PCDH15: variants seen among roughly 807,000 people sequenced by gnomAD.
PCDH15 encodes the protein protocadherin related 15, also known as protocadherin-15.
A neutral mutation model predicts 178.5 loss-of-function variants in PCDH15; 129 were observed. The observed-to-expected ratio is 0.72, with a 90% confidence interval of 0.63 to 0.84. PCDH15 has a LOEUF of 0.84. Ranked by LOEUF, PCDH15 falls within the 40% of genes least tolerant of loss-of-function variation. The pLI, the probability that PCDH15 is intolerant of heterozygous loss-of-function variation, is 0.00. For missense variants in PCDH15, 2,230 were observed against 2,099.9 expected, an observed-to-expected ratio of 1.06 and a Z score of -1.21; for synonymous variants, 800 against 732.0, an observed-to-expected ratio of 1.09 and a Z score of -1.50.
chr10:54,107,820 C>T (rs141127106), intron 15 of PCDH15, among the ~76,000 whole-genome samples: 1 of 152,086 alleles, frequency 6.6e-6, no homozygotes, highest in East Asian at 1.9e-4. Context: ...GTTGCCACAG[C>T]AGCCTGGCAT....
chr10:54,116,741 G>T (rs1444320627), intron 15 of PCDH15, among the ~76,000 whole-genome samples: 1 of 152,126 alleles, frequency 6.6e-6, no homozygotes, highest in African/African-American at 2.4e-5. Flanking sequence ...AGTGATTATG[G>T]ATCATGATGA....
intron 21 of PCDH15, among the ~76,000 whole-genome samples, chr10:53,964,185 T>A (rs2088688776): frequency 6.6e-6 from 1 of 152,046 alleles, no homozygotes; most frequent in African/African-American, 2.4e-5. Flanking sequence ...CCCTTTAAAT[T>A]ATCTTTCTTC....
At chr10:55,350,862 A>G (rs1844909739) in intron 2 of PCDH15, among the ~76,000 whole-genome samples, 1 of 152,054 alleles carries the variant, frequency 6.6e-6, no homozygotes, top group African/African-American at 2.4e-5. Flanking sequence ...GATTCTACCA[A>G]TTGGCTCTTC....
chr10:55,622,386 A>G (rs1167322124), intron 2 of PCDH15, among the ~76,000 whole-genome samples: 1 of 151,592 alleles, frequency 6.6e-6, no homozygotes, highest in Non-Finnish European at 1.5e-5. Flanking sequence ...AAGGAATTCA[A>G]CACTGAAAAA....
At chr10:54,602,803 C>T (rs1035395802) in intron 2 of PCDH15, among the ~76,000 whole-genome samples, 1 of 151,886 alleles carries the variant, frequency 6.6e-6, no homozygotes, top group East Asian at 1.9e-4. Context: ...TCCTTGCACC[C>T]CAGGGATAAG....
At chr10:55,424,946 A>G (rs974534565) in intron 2 of PCDH15, among the ~76,000 whole-genome samples, 9 of 151,982 alleles carry the variant, frequency 5.9e-5, no homozygotes, top group Admixed American at 1.3e-4. Context: ...CAGATATGAA[A>G]TGGTTTGCAA....
At chr10:54,236,056 A>T (rs192292589) in intron 9 of PCDH15, among the ~76,000 whole-genome samples, 2 of 152,292 alleles carry the variant, frequency 1.3e-5, no homozygotes, top group Admixed American at 1.3e-4. Flanking sequence ...AAGAGGACAG[A>T]AAGGGGTTGA....
chr10:53,974,376 A>G (rs922357698), intron 21 of PCDH15, among the ~76,000 whole-genome samples: 1 of 152,280 alleles, frequency 6.6e-6, no homozygotes, highest in Admixed American at 6.5e-5. Context: ...TAGATAAAAT[A>G]TACTTAACTT....
At chr10:54,047,779 C>T (rs1029431638) in intron 18 of PCDH15, among the ~76,000 whole-genome samples, 8 of 152,084 alleles carry the variant, frequency 5.3e-5, no homozygotes, top group African/African-American at 1.9e-4. Flanking sequence ...GTACTCCATG[C>T]TATATATGTA....
At chr10:53,987,234 G>A (rs61860091) in intron 21 of PCDH15, among the ~76,000 whole-genome samples, 1,850 of 151,612 alleles carry the variant, frequency 0.012, 20 homozygotes, top group Non-Finnish European at 0.014. Flanking sequence ...AAAACATAGC[G>A]AAACATCATC....
chr10:55,095,191 C>A (rs1192702117), intron 2 of PCDH15, among the ~76,000 whole-genome samples: 1 of 151,998 alleles, frequency 6.6e-6, no homozygotes, highest in Admixed American at 6.6e-5. Context: ...ATCCTCCCAC[C>A]TCAGCCTTCC....
chr10:55,420,610 T>C (rs1838598345), intron 2 of PCDH15, among the ~76,000 whole-genome samples: 1 of 151,658 alleles, frequency 6.6e-6, no homozygotes, highest in African/African-American at 2.4e-5. Flanking sequence ...GACTGGAGCA[T>C]GGGGAACAGG....
intron 2 of PCDH15, among the ~76,000 whole-genome samples, chr10:54,994,667 T>C (rs1436686516): frequency 1.3e-5 from 2 of 152,130 alleles, no homozygotes; most frequent in Non-Finnish European, 2.9e-5. Context: ...AAACCAAGTG[T>C]ATTTATAAAA....
intron 17 of PCDH15, among the ~76,000 whole-genome samples, chr10:54,069,716 C>A (rs985216444): frequency 1.3e-5 from 2 of 151,922 alleles, no homozygotes; most frequent in Non-Finnish European, 2.9e-5. Context: ...TTTAATTTTT[C>A]TTGATTGGTT....
chr10:55,216,526 T>C (rs1210850114), intron 1 of PCDH15, among the ~76,000 whole-genome samples: 3 of 151,826 alleles, frequency 2.0e-5, no homozygotes, highest in Admixed American at 2.0e-4. Context: ...TGGTGTTCCA[T>C]AGCATAGTAT....
intron 21 of PCDH15, among the ~76,000 whole-genome samples, chr10:53,975,763 CTTTAG>C (rs1461857847): frequency 4.0e-5 from 6 of 151,840 alleles, no homozygotes; most frequent in African/African-American, 1.2e-4. Flanking sequence ...GGGCAAAGCT[CTTTAG>C]TTTAATTAGT....
intron 3 of PCDH15, among the ~76,000 whole-genome samples, chr10:54,839,193 A>G (rs1953373551): frequency 6.6e-6 from 1 of 152,176 alleles, no homozygotes; most frequent in East Asian, 1.9e-4. Context: ...ACAAATATAT[A>G]GAGATCTATG....
intron 2 of PCDH15, among the ~76,000 whole-genome samples, chr10:55,552,775 A>G (rs921155686): frequency 6.6e-6 from 1 of 151,500 alleles, no homozygotes; most frequent in Non-Finnish European, 1.5e-5. Flanking sequence ...CTTTTATTAT[A>G]AACTATTATA....
intron 2 of PCDH15, among the ~76,000 whole-genome samples, chr10:55,374,244 G>T (rs1389689627): frequency 1.3e-5 from 2 of 152,086 alleles, no homozygotes; most frequent in African/African-American, 4.8e-5. Flanking sequence ...GTGAGGAAGG[G>T]GTGGAGATTT....
Sources: allele counts gnomAD v4.1 joint callset (sites outside exome capture counted in the v4.1 genomes callset), GRCh38; gene constraint gnomAD v4.1.1; transcripts MANE v1.5; gene names NCBI Gene and HGNC (gene_info 2026-07-23, HGNC 2026-07-21).